PIR: variants seen among roughly 807,000 people sequenced by gnomAD.
PIR encodes pirin.
PIR carries 22 observed loss-of-function variants against 24.2 expected under a neutral mutation model. The observed-to-expected ratio is 0.91, with a 90% CI of 0.65 to 1.30. PIR has a LOEUF of 1.30. Ranked by LOEUF, PIR falls within the 50% of genes most tolerant of loss-of-function variation. The pLI is 0.00. For synonymous variants in PIR, 80 were observed against 79.6 expected, an observed-to-expected ratio of 1.00 and a Z score of -0.03; for missense variants, 220 against 220.3, an observed-to-expected ratio of 1.00 and a Z score of 0.01.
rs181219410 is a variant in PIR at position 15,476,814 on chromosome X, G to A, written c.189+2915C>T. Among the ~76,000 whole-genome samples, 160 of 111,599 alleles carry A rather than the reference G, an allele frequency of 1.4e-3. 1 individual carries two copies. The highest frequency in any genetic ancestry group is 1.7e-3 in the Non-Finnish European group (90 of 52,985). ...AAAAATGGCAAAGGTCAGAAAAGTC[G>A]AATAAATACATTTATGTTGCTGATG... On this transcript the variant is annotated intron_variant, in intron 3 of 9. Coordinates refer to ENST00000380420, the MANE Select transcript of PIR (RefSeq NM_001018109.3).
chrX:15,440,994 G>A (rs933649584), intron 5 of PIR, among the ~76,000 whole-genome samples: 2 of 111,647 alleles, frequency 1.8e-5, no homozygotes, highest in African/African-American at 6.5e-5. Context: ...AACCAAAACC[G>A]GTATTGTGAT....
chrX:15,462,487 C>T (rs1463259322), intron 3 of PIR, among the ~76,000 whole-genome samples: 2 of 111,761 alleles, frequency 1.8e-5, no homozygotes, highest in Non-Finnish European at 3.8e-5. Flanking sequence ...GCCCAGGAGG[C>T]AAGAGAAGAG....
At chrX:15,443,204 G>A (rs899346287) in intron 5 of PIR, among the ~76,000 whole-genome samples, 1 of 111,934 alleles carries the variant, frequency 8.9e-6, no homozygotes. Flanking sequence ...TTGTGTTCTA[G>A]AAATGGAAGA....
chrX:15,460,516 A>C (rs188055695), intron 3 of PIR, among the ~76,000 whole-genome samples: 146 of 111,891 alleles, frequency 1.3e-3, no homozygotes, highest in Middle Eastern at 4.6e-3. Flanking sequence ...ATGATCTCAC[A>C]TAAACAGAGT....
At chrX:15,455,437 G>GTAATTTACA (rs1474068140) in intron 5 of PIR, among the ~76,000 whole-genome samples, 1 of 112,418 alleles carries the variant, frequency 8.9e-6, no homozygotes, top group Non-Finnish European at 1.9e-5. Flanking sequence ...TTGGACATAA[G>GTAATTTACA]TAATTTACAT....
chrX:15,391,897 C>T (rs1329163172), intron 8 of PIR, among the ~76,000 whole-genome samples: 3 of 111,853 alleles, frequency 2.7e-5, no homozygotes, highest in Non-Finnish European at 5.6e-5. Flanking sequence ...CATTTTAGTG[C>T]CTGAATATGC....
intron 2 of PIR, among the ~76,000 whole-genome samples, chrX:15,480,432 A>T (rs755863674): frequency 1.6e-4 from 18 of 112,524 alleles, no homozygotes; most frequent in Non-Finnish European, 3.4e-4. Context: ...CAAACATTTC[A>T]TAATCATCTA....
chrX:15,388,732 C>G (rs185310878), intron 9 of PIR, among the ~76,000 whole-genome samples: 3 of 111,799 alleles, frequency 2.7e-5, no homozygotes. Context: ...TAAGGACACA[C>G]GATGATAAGA....
At chrX:15,395,409 T>A (rs1924098613) in intron 8 of PIR, among the ~76,000 whole-genome samples, 1 of 111,973 alleles carries the variant, frequency 8.9e-6, no homozygotes, top group South Asian at 3.8e-4. Flanking sequence ...TCAATTCCAC[T>A]GTTATTGGAT....
intron 6 of PIR, among the ~76,000 whole-genome samples, chrX:15,411,641 T>C (rs1324432802): frequency 2.7e-5 from 3 of 110,422 alleles, no homozygotes; most frequent in Non-Finnish European, 5.7e-5. Flanking sequence ...AAAGCAACCC[T>C]GGTCCCTAAG....
chrX:15,386,390 T>G (rs1444063809), intron 9 of PIR, among the ~76,000 whole-genome samples: 1 of 111,902 alleles, frequency 8.9e-6, no homozygotes, highest in Non-Finnish European at 1.9e-5. Flanking sequence ...CCCAGGCATC[T>G]AAATCCATTC....
intron 5 of PIR, among the ~76,000 whole-genome samples, chrX:15,427,723 T>C (rs1569200235): frequency 9.1e-6 from 1 of 110,128 alleles, no homozygotes; most frequent in East Asian, 2.8e-4. Flanking sequence ...CACACACATA[T>C]ATATACCGTC....
intron 3 of PIR, among the ~76,000 whole-genome samples, chrX:15,463,943 C>A (rs1228349908): frequency 8.9e-6 from 1 of 112,401 alleles, no homozygotes; most frequent in Non-Finnish European, 1.9e-5. Context: ...ACAAGATTTT[C>A]TGCACAATTC....
At chrX:15,395,889 G>C (rs1026311957) in intron 8 of PIR, among the ~76,000 whole-genome samples, 2 of 112,079 alleles carry the variant, frequency 1.8e-5, no homozygotes, top group Non-Finnish European at 3.8e-5. Flanking sequence ...ATAACAGAAC[G>C]ATGCCACTGG....
chrX:15,433,247 G>T (rs1423376704), intron 5 of PIR, among the ~76,000 whole-genome samples: 1 of 111,073 alleles, frequency 9.0e-6, no homozygotes, highest in Non-Finnish European at 1.9e-5. Flanking sequence ...ACTCAGGACT[G>T]AGATCCAGGG....
chrX:15,426,011 A>G (rs1163486048), intron 5 of PIR, 21 bp from the exon 6 acceptor site: 1 of 1,044,583 alleles, frequency 9.6e-7, no homozygotes, highest in South Asian at 1.9e-5. Context: ...AAAGGAAACC[A>G]TCAGTGTTTT....
chrX:15,401,449 G>A (rs1296467241), intron 7 of PIR, among the ~76,000 whole-genome samples: 1 of 110,749 alleles, frequency 9.0e-6, no homozygotes, highest in Non-Finnish European at 1.9e-5. Flanking sequence ...TACATGAAAT[G>A]TTTAAAACAG....
chrX:15,461,752 C>T (rs760181252), intron 3 of PIR, among the ~76,000 whole-genome samples: 279 of 112,103 alleles, frequency 2.5e-3, no homozygotes, highest in African/African-American at 7.7e-3. Flanking sequence ...CATTGCACTC[C>T]AGCCTGGGCA....
At chrX:15,476,022 T>A (rs749515588) in intron 3 of PIR, among the ~76,000 whole-genome samples, 90 of 112,290 alleles carry the variant, frequency 8.0e-4, no homozygotes, top group African/African-American at 2.8e-3. Context: ...ACTTATCTCA[T>A]AGAATCGTAT....
Sources: allele counts gnomAD v4.1 joint callset (sites outside exome capture counted in the v4.1 genomes callset), GRCh38; gene constraint gnomAD v4.1.1; transcripts MANE v1.5; gene names NCBI Gene and HGNC (gene_info 2026-07-23, HGNC 2026-07-21).